The following NPHP4 variants were observed in gnomAD, a reference collection of about 807,000 sequenced individuals.
NPHP4 encodes the protein nephrocystin 4, also known as nephrocystin-4.
A neutral mutation model predicts 155.8 loss-of-function variants in NPHP4; 151 were observed. The observed-to-expected ratio is 0.97, with a 90% CI of 0.85 to 1.11. The LOEUF (loss-of-function observed/expected upper bound fraction) is 1.11, where lower values mean the gene tolerates loss of function less well. NPHP4 is among the 50% of genes least tolerant of loss of function. NPHP4 has a pLI of 0.00. For missense variants in NPHP4, 1,956 were observed against 1,925.7 expected, an observed-to-expected ratio of 1.02 and a Z score of -0.29; for synonymous variants, 845 against 816.8, an observed-to-expected ratio of 1.03 and a Z score of -0.59.
At chr1:5,913,430 C>T (rs959964180) in intron 11 of NPHP4, among the ~76,000 whole-genome samples, 29 of 152,212 alleles carry the variant, frequency 1.9e-4, no homozygotes, top group Admixed American at 9.8e-4. Flanking sequence ...TTTTCCCTGA[C>T]GCTCTATCAC....
rs1335609022 is a variant in NPHP4, at chr1:5,875,108, C to G, written c.2818-8G>C. 1.3e-6 allele frequency: 2 copies of G among 1,588,988 alleles called. No homozygotes were observed. The highest frequency in any genetic ancestry group is 2.7e-5 in the African/African-American group (2 of 74,620). Reference sequence around the variant, plus strand: ...GCGGACGCTCTGCTGCGCCTGCAGACAAGAGGACATGGGTGGACAGGGTCC... The same window carrying G: ...GCGGACGCTCTGCTGCGCCTGCAGAGAAGAGGACATGGGTGGACAGGGTCC... On this transcript the variant is annotated splice_region_variant and splice_polypyrimidine_tract_variant and intron_variant, in intron 20 of 29. Transcript: ENST00000378156.
At chr1:5,901,891 G>A (rs1485569203) in intron 16 of NPHP4, among the ~76,000 whole-genome samples, 1 of 152,170 alleles carries the variant, frequency 6.6e-6, no homozygotes, top group Non-Finnish European at 1.5e-5. Context: ...AAGGAAAGGT[G>A]GTTGGCTTAG....
chr1:5,962,117 T>G (rs1650443709), intron 5 of NPHP4, among the ~76,000 whole-genome samples, 168 bp from the exon 6 acceptor site: 1 of 152,216 alleles, frequency 6.6e-6, no homozygotes, highest in South Asian at 2.1e-4. Context: ...GCATTGATCT[T>G]TAATAACCTT....
chr1:5,869,107 A>G (rs1191906009), intron 23 of NPHP4, among the ~76,000 whole-genome samples: 1 of 133,486 alleles, frequency 7.5e-6, no homozygotes, highest in Non-Finnish European at 1.6e-5. Context: ...ACATGCATGC[A>G]CCCACATGCA....
chr1:5,895,979 C>T lies in NPHP4; in HGVS notation c.2144-4951G>A, dbSNP rs550582125. Among the ~76,000 whole-genome samples, 565 of 151,996 alleles carry T rather than the reference C, an allele frequency of 3.7e-3. 1 individual carries two copies. The highest frequency in any genetic ancestry group is 0.013 in the African/African-American group (522 of 41,432). On this transcript the variant is annotated intron_variant, in intron 16 of 29. Transcript: ENST00000378156. ...CAGCTACCGTAGAGACGGGCACAGGCGACGTCTGCGCAGCCAAACTTGGGC... is the reference window on the plus strand; with the variant it reads ...CAGCTACCGTAGAGACGGGCACAGGTGACGTCTGCGCAGCCAAACTTGGGC...
chr1:5,986,335 A>G lies in NPHP4; in HGVS notation c.-38-8T>C, dbSNP rs1655488364. 1 of 1,604,082 alleles carries G rather than the reference A, an allele frequency of 6.2e-7. No individual in the cohort carries two copies. The highest frequency in any genetic ancestry group is 1.3e-5 in the African/African-American group (1 of 74,628). On this transcript the variant is annotated splice_region_variant and splice_polypyrimidine_tract_variant and intron_variant, in intron 1 of 29. Coordinates refer to ENST00000378156, the MANE Select transcript of NPHP4 (RefSeq NM_015102.5). Reference sequence around the variant, plus strand: ...GTGGGCTTCCCGGATGATCTGTGCCAGTCGTATTCAAATAAAGAGAAGAGC... The same window carrying G: ...GTGGGCTTCCCGGATGATCTGTGCCGGTCGTATTCAAATAAAGAGAAGAGC...
chr1:5,898,462 G>T (rs1311403038), intron 16 of NPHP4, among the ~76,000 whole-genome samples: 1 of 152,220 alleles, frequency 6.6e-6, no homozygotes, highest in Non-Finnish European at 1.5e-5. Flanking sequence ...TCACGGGCGT[G>T]GCTGCCGGAA....
chr1:5,879,848 C>T lies in NPHP4; in HGVS notation c.2611+266G>A, dbSNP rs991377054. Among the ~76,000 whole-genome samples, 30 of 144,288 alleles carry T rather than the reference C, an allele frequency of 2.1e-4. 1 individual carries two copies. The highest frequency in any genetic ancestry group is 1.3e-3 in the Admixed American group (19 of 14,842). 94.7% of individuals were successfully genotyped at this position (144,288 alleles called of 152,430 possible). A position where few individuals can be genotyped will look rare whatever the true frequency, so the allele number is the denominator to read the frequency against. On this transcript the variant is annotated intron_variant, in intron 19 of 29. Transcript: ENST00000378156. ...ACACACACGCAAACACACACAGACA[C>T]GCACACAGACACGCACACACACATG... is the stretch of plus-strand genomic sequence containing the variant.
chr1:5,877,631 AG>A (rs1182865738), intron 19 of NPHP4, among the ~76,000 whole-genome samples: 1 of 152,218 alleles, frequency 6.6e-6, no homozygotes, highest in African/African-American at 2.4e-5. Flanking sequence ...GGGATCTTAA[AG>A]GGCCCACTAA....
intron 1 of NPHP4, among the ~76,000 whole-genome samples, chr1:5,987,239 T>C (rs1006561281): frequency 5.3e-5 from 8 of 151,934 alleles, no homozygotes; most frequent in Admixed American, 5.2e-4. Flanking sequence ...ATCTAAATCT[T>C]CTCTAGCCAA....
chr1:5,905,078 A>G lies in NPHP4; in HGVS notation c.1955+214T>C, dbSNP rs975200124. Among the ~76,000 whole-genome samples, 1 of 152,180 alleles carries G rather than the reference A, an allele frequency of 6.6e-6. No individual in the cohort carries two copies. Among genetic ancestry groups the G allele is most frequent in the African/African-American group, 2.4e-5 (1 of 41,440 alleles). On this transcript the variant is annotated intron_variant, in intron 15 of 29. Transcript: ENST00000378156. The surrounding 1 kb of genome is among the most constrained non-coding windows in gnomAD (Gnocchi z 4.0). The stretch of plus-strand genomic sequence containing the variant: ...TGGACAACCCACCGTCCACATTTTA[A>G]TGAAGGACCACAAAAGATGGGGTAA...
chr1:5,983,337 G>C (rs1365643168), intron 2 of NPHP4, among the ~76,000 whole-genome samples: 7 of 152,200 alleles, frequency 4.6e-5, no homozygotes, highest in African/African-American at 1.2e-4. Context: ...TGGGAACTTA[G>C]ATTTCAAGAG....
At chr1:5,933,807 T>C (rs1646400164) in intron 9 of NPHP4, among the ~76,000 whole-genome samples, 3 of 152,224 alleles carry the variant, frequency 2.0e-5, no homozygotes, top group African/African-American at 7.2e-5. Context: ...AACTCAGCAT[T>C]ATTAGCACAC....
chr1:5,959,034 G>A (rs999399148), intron 6 of NPHP4, among the ~76,000 whole-genome samples: 2 of 141,462 alleles, frequency 1.4e-5, no homozygotes, highest in African/African-American at 5.2e-5. Context: ...CTCTGAGAGT[G>A]GGGGCGGGGG....
intron 27 of NPHP4, 41 bp downstream of exon 27, chr1:5,865,061 G>T: frequency 6.3e-7 from 1 of 1,596,968 alleles, no homozygotes. Flanking sequence ...TCCAGGCTGG[G>T]GTTGGGGAGA....
intron 16 of NPHP4, among the ~76,000 whole-genome samples, chr1:5,903,073 T>C (rs912195914): frequency 1.3e-5 from 2 of 152,240 alleles, no homozygotes; most frequent in African/African-American, 2.4e-5. Context: ...AAATAATGCA[T>C]ATTCTCTAAA....
intron 25 of NPHP4, 72 bp downstream of exon 25, chr1:5,866,958 C>T (rs1296829737): frequency 5.2e-6 from 6 of 1,157,638 alleles, no homozygotes; most frequent in African/African-American, 1.5e-5. Context: ...CCAGGATACC[C>T]GTGGGGAAGC....
intron 18 of NPHP4, among the ~76,000 whole-genome samples, chr1:5,884,051 T>C (rs542162914): frequency 6.6e-5 from 10 of 152,336 alleles, no homozygotes; most frequent in Non-Finnish European, 1.3e-4. Flanking sequence ...AAGCTGAATT[T>C]ACACTTGCAT....
rs1352217291 is a variant in NPHP4, at chr1:5,864,347, G to A, written c.3987C>T (p.Leu1329=). 1 of 1,606,758 alleles carries A rather than the reference G, an allele frequency of 6.2e-7. No individual in the cohort carries two copies. The highest frequency in any genetic ancestry group is 8.5e-7 in the Non-Finnish European group (1 of 1,175,816). The change falls in exon 28 of 30, where the codon CTC becomes CTT. Residue 1329 remains leucine (L), a synonymous_variant. Coordinates refer to ENST00000378156, the MANE Select transcript of NPHP4 (RefSeq NM_015102.5). ...WLVCLCCRQP[L]ISKAFEIMLA... ...TGCCACACATACAGACCTTGGAGATGAGCGGCTGGCGGCAGCAGAGGCACA... is the reference window on the plus strand; with the variant it reads ...TGCCACACATACAGACCTTGGAGATAAGCGGCTGGCGGCAGCAGAGGCACA...
Sources: gnomAD v4.1 joint callset for allele counts (sites outside exome capture counted in the v4.1 genomes callset) on GRCh38, gnomAD v4.1.1 for gene constraint, Gnocchi (gnomAD v3.1) non-coding constraint, MANE v1.5 for transcripts, NCBI Gene and HGNC (gene_info 2026-07-23, HGNC 2026-07-21) for gene names.